Variants in FOXP1 observed in about 807,000 individuals in gnomAD.
FOXP1 encodes forkhead box protein P1.
FOXP1 carries 15 observed loss-of-function variants against 98.2 expected under a neutral mutation model. The ratio of observed to expected loss-of-function variants is 0.15; its 90% CI spans 0.10 to 0.24. The LOEUF is 0.24. Among genes scored for constraint, FOXP1 ranks in the 10% least tolerant of loss-of-function variants. The probability of loss-of-function intolerance (pLI) is 1.00; values close to 1 mark genes in which losing one functional copy is unlikely to be tolerated. For missense variants in FOXP1, 633 were observed against 848.5 expected (o/e 0.75, Z 3.15); for synonymous variants, 371 against 314.5 (o/e 1.18, Z -1.90).
At chr3:71,075,047 G>A (rs755828849) in intron 7 of FOXP1, among the ~76,000 whole-genome samples, 10 of 152,230 alleles carry the variant, frequency 6.6e-5, no homozygotes, top group African/African-American at 2.4e-4. Context: ...GTAATACACA[G>A]TGTCTCAGAT....
At chr3:71,219,926 C>G (rs1056641698) in intron 5 of FOXP1, among the ~76,000 whole-genome samples, 1 of 152,152 alleles carries the variant, frequency 6.6e-6, no homozygotes, top group African/African-American at 2.4e-5. Context: ...TAACAACCAG[C>G]TGCTTCTCAG....
At chr3:71,335,005 A>T (rs887311281) in intron 4 of FOXP1, 6 of 152,236 alleles carry the variant, frequency 3.9e-5, no homozygotes, top group African/African-American at 1.4e-4. Flanking sequence ...CACACTTGTA[A>T]TCCTAGCACT....
chr3:70,973,729 AGTAGGTGACTCAATT>A lies in FOXP1; in HGVS notation c.1531-1068_1531-1054del, dbSNP rs2036850908. ...ATTCAGAGTAAGTAGATGACTCAAT[AGTAGGTGACTCAATT>A]GGGGCTTGAGAAGTTGATACATACA... On this transcript the variant is annotated intron_variant, in intron 17 of 20. Transcript: ENST00000649528. Among the ~76,000 whole-genome samples the A allele has an allele frequency of 2.0e-5, 3 of 151,860 alleles. No individual in the cohort carries two copies. In the South Asian group the frequency reaches 6.2e-4, roughly 32 times the overall value.
At chr3:71,241,177 T>G (rs939923756) in intron 5 of FOXP1, among the ~76,000 whole-genome samples, 8 of 151,582 alleles carry the variant, frequency 5.3e-5, no homozygotes, top group Non-Finnish European at 8.8e-5. Context: ...ACCATTGCAC[T>G]CTAGCCCAGG....
At chr3:71,323,161 G>A (rs1216278748) in intron 4 of FOXP1, among the ~76,000 whole-genome samples, 1 of 151,926 alleles carries the variant, frequency 6.6e-6, no homozygotes, top group Non-Finnish European at 1.5e-5. Flanking sequence ...AGTAGAGATG[G>A]GGTTTCATCA....
chr3:71,056,563 C>A lies in FOXP1; in HGVS notation c.283-2790G>T, dbSNP rs145946925. 1.4e-4 allele frequency among the ~76,000 whole-genome samples: 22 copies of A among 152,286 alleles called. No individual in the cohort carries two copies. In the East Asian group the frequency reaches 4.1e-3, roughly 28 times the overall value. On this transcript the variant is annotated intron_variant, in intron 7 of 20. Coordinates refer to ENST00000649528, the MANE Select transcript of FOXP1 (RefSeq NM_001349338.3). Reference sequence around the variant, plus strand: ...CAAGAGGCCTGAGTAATCCTCCAAACGGGCTGATCACTTCTGAATAATCAG... The same window carrying A: ...CAAGAGGCCTGAGTAATCCTCCAAAAGGGCTGATCACTTCTGAATAATCAG...
chr3:71,016,268 A>G (rs1030502962), intron 11 of FOXP1, among the ~76,000 whole-genome samples: 24 of 152,156 alleles, frequency 1.6e-4, no homozygotes, highest in Admixed American at 2.0e-4. Flanking sequence ...ACCAACAGTG[A>G]GAGAAAATTT....
At position 70,971,979 on chromosome 3, in the gene FOXP1, A is replaced by G. The variant is rs1043662593; in HGVS notation, c.1652+576T>C. The G allele has an allele frequency of 1.5e-6, 2 of 1,356,476 alleles. 1 individual carries two copies. Among genetic ancestry groups the G allele is most frequent in the Admixed American group, 7.0e-5 (2 of 28,664 alleles). 84.0% of individuals were successfully genotyped at this position (1,356,476 alleles called of 1,614,324 possible). A position where few individuals can be genotyped will look rare whatever the true frequency, so the allele number is the denominator to read the frequency against. ...CATGCAAAGCCAAAGCAACAGCAGAAAAAAAAAACAAAAGCAAGTAAAGGC... is the reference window on the plus strand; with the variant it reads ...CATGCAAAGCCAAAGCAACAGCAGAGAAAAAAAACAAAAGCAAGTAAAGGC... On this transcript the variant is annotated intron_variant, in intron 18 of 20. Coordinates refer to ENST00000649528, the MANE Select transcript of FOXP1 (RefSeq NM_001349338.3).
At chr3:71,579,145 A>C in intron 2 of FOXP1, among the ~76,000 whole-genome samples, 1 of 152,150 alleles carries the variant, frequency 6.6e-6, no homozygotes, top group East Asian at 1.9e-4. Context: ...AATTATTTTT[A>C]TTCTTCTGTA....
intron 2 of FOXP1, among the ~76,000 whole-genome samples, chr3:71,567,596 GC>G (rs900410523): frequency 2.6e-5 from 4 of 152,158 alleles, no homozygotes; most frequent in Admixed American, 2.6e-4. Flanking sequence ...TAGTGAGGGA[GC>G]CCCAACTGTC....
chr3:71,125,436 C>T lies in FOXP1; in HGVS notation c.181-12799G>A, dbSNP rs557087434. Among the ~76,000 whole-genome samples, 33 of 152,078 alleles carry T rather than the reference C, an allele frequency of 2.2e-4. 1 individual carries two copies. The South Asian group carries it at 5.2e-3, about 24-fold the overall frequency. Reference sequence around the variant, plus strand: ...ATGACCGATTAAAAAAAATTAGACACGTATAGAAAAATATATTCGGTTAAT... The same window carrying T: ...ATGACCGATTAAAAAAAATTAGACATGTATAGAAAAATATATTCGGTTAAT... On this transcript the variant is annotated intron_variant, in intron 6 of 20. Coordinates refer to ENST00000649528, the MANE Select transcript of FOXP1 (RefSeq NM_001349338.3).
chr3:71,347,817 G>A (rs1046791971), intron 4 of FOXP1, among the ~76,000 whole-genome samples: 2 of 151,794 alleles, frequency 1.3e-5, no homozygotes, highest in East Asian at 1.9e-4. Context: ...CATGGGAGGC[G>A]GAGGTTGCAG....
chr3:71,144,019 A>C (rs2060190539), intron 6 of FOXP1, among the ~76,000 whole-genome samples: 1 of 152,176 alleles, frequency 6.6e-6, no homozygotes, highest in East Asian at 1.9e-4. Context: ...GATTTTTGCC[A>C]CATAATTTTA....
At chr3:70,970,419 T>A (rs2107146895) in intron 19 of FOXP1, 3 of 397,738 alleles carry the variant, frequency 7.5e-6, no homozygotes, top group South Asian at 2.2e-5. Context: ...ATAGCTGTGC[T>A]AGAGTAATTA....
intron 11 of FOXP1, among the ~76,000 whole-genome samples, chr3:71,030,924 A>G (rs1487489483): frequency 6.6e-6 from 1 of 152,176 alleles, no homozygotes; most frequent in Non-Finnish European, 1.5e-5. Flanking sequence ...AGGGGCTCAT[A>G]TGTACCACAA....
intron 11 of FOXP1, among the ~76,000 whole-genome samples, chr3:71,027,185 T>C (rs1009573653): frequency 2.0e-5 from 3 of 152,188 alleles, no homozygotes; most frequent in Non-Finnish European, 4.4e-5. Flanking sequence ...GTGTTTGCAC[T>C]GGTGAGTCAC....
chr3:71,312,126 A>C (rs1463996584), intron 4 of FOXP1, among the ~76,000 whole-genome samples: 2 of 152,230 alleles, frequency 1.3e-5, no homozygotes, highest in Admixed American at 6.5e-5. Context: ...GGCTTGCTAA[A>C]GGTGAAGGGA....
Position 70,988,006 on chromosome 3 carries a change from G to A in FOXP1, c.1134C>T (p.Ala378=), listed in dbSNP as rs766062561. Residue 378 remains alanine, a synonymous_variant, in exon 14 of 21, where the codon GCC becomes GCT. Coordinates refer to ENST00000649528, the MANE Select transcript of FOXP1 (RefSeq NM_001349338.3). ...HLHVKSTEPK[A]APQPLNLVSS... Reference sequence around the variant, plus strand: ...GATCAATACTTACGGGCTGAGGGGCGGCTTTGGGTTCTGTAGACTTCACAT... The same window carrying A: ...GATCAATACTTACGGGCTGAGGGGCAGCTTTGGGTTCTGTAGACTTCACAT... 2.2e-5 allele frequency: 36 copies of A among 1,613,956 alleles called. No individual in the cohort carries two copies. The highest frequency in any genetic ancestry group is 6.7e-5 in the Admixed American group (4 of 60,006).
At chr3:71,481,172 G>A (rs2090248360) in intron 3 of FOXP1, among the ~76,000 whole-genome samples, 1 of 152,180 alleles carries the variant, frequency 6.6e-6, no homozygotes, top group African/African-American at 2.4e-5. Context: ...GCTAACAGCT[G>A]GCTGTAATTT....
Sources: allele counts gnomAD v4.1 joint callset (sites outside exome capture counted in the v4.1 genomes callset), GRCh38; gene constraint gnomAD v4.1.1; transcripts MANE v1.5; gene names NCBI Gene and HGNC (gene_info 2026-07-23, HGNC 2026-07-21).